TENM3: variants seen among roughly 807,000 people sequenced by gnomAD.
TENM3 encodes the protein teneurin transmembrane protein 3.
TENM3 carries 63 observed loss-of-function variants against 255.1 expected under a neutral mutation model. The ratio of observed to expected loss-of-function variants is 0.25; its 90% CI spans 0.20 to 0.30. TENM3 has a LOEUF of 0.30. Among genes scored for constraint, TENM3 ranks in the 10% least tolerant of loss-of-function variants. The probability of loss-of-function intolerance (pLI) is 1.00; values close to 1 mark genes in which losing one functional copy is unlikely to be tolerated. For synonymous variants in TENM3, 1,306 were observed against 1,322.3 expected (o/e 0.99, Z 0.27); for missense variants, 2,929 against 3,461.1 (o/e 0.85, Z 3.86).
At chr4:181,758,648 G>C in the TENM3 span, among the ~76,000 whole-genome samples, 3 of 152,150 alleles carry the variant, frequency 2.0e-5, no homozygotes, top group Non-Finnish European at 2.9e-5. Context: ...GAATCACTGC[G>C]ATTTTTGTAT....
chr4:181,679,098 G>A, the TENM3 span, among the ~76,000 whole-genome samples: 2 of 152,092 alleles, frequency 1.3e-5, no homozygotes, highest in African/African-American at 2.4e-5. Context: ...GTAAGTGCCT[G>A]TAACAAAAGC....
At chr4:182,013,144 CATCCCAAG>C in the TENM3 span, among the ~76,000 whole-genome samples, 1 of 152,202 alleles carries the variant, frequency 6.6e-6, no homozygotes, top group African/African-American at 2.4e-5. Flanking sequence ...TCCGAAACTG[CATCCCAAG>C]TCTTCCAATC....
At chr4:181,592,983 C>A in the TENM3 span, among the ~76,000 whole-genome samples, 1 of 152,126 alleles carries the variant, frequency 6.6e-6, no homozygotes, top group Non-Finnish European at 1.5e-5. Context: ...CCTTGACAAA[C>A]CTCCTCCTCA....
At chr4:182,555,833 C>CT (rs796616091) in intron 3 of TENM3, among the ~76,000 whole-genome samples, 6,506 of 146,700 alleles carry the variant, frequency 0.044, 156 homozygotes, top group Non-Finnish European at 0.054. Context: ...TCTGGAATTA[C>CT]TTTTTTTTTT....
At chr4:182,448,972 C>T (rs754581662) in intron 3 of TENM3, 7 of 395,828 alleles carry the variant, frequency 1.8e-5, no homozygotes, top group South Asian at 1.2e-4. Context: ...GGCCGCCGCG[C>T]GCAGCCCGAG....
At chr4:181,830,838 T>C in the TENM3 span, among the ~76,000 whole-genome samples, 11 of 152,102 alleles carry the variant, frequency 7.2e-5, no homozygotes, top group Non-Finnish European at 1.3e-4. Context: ...TGAGTGTAGG[T>C]CGCTCCTGTA....
chr4:182,608,974 G>T (rs1213784070), intron 4 of TENM3, among the ~76,000 whole-genome samples: 1 of 152,100 alleles, frequency 6.6e-6, no homozygotes, highest in Non-Finnish European at 1.5e-5. Context: ...GGTAGTAGTC[G>T]TGGGTGGCCC....
chr4:182,007,494 T>C, the TENM3 span, among the ~76,000 whole-genome samples: 1 of 152,196 alleles, frequency 6.6e-6, no homozygotes, highest in Non-Finnish European at 1.5e-5. Flanking sequence ...TCTTTGTCTT[T>C]TTTGATCTTT....
the TENM3 span, among the ~76,000 whole-genome samples, chr4:181,985,118 G>A: frequency 1.3e-5 from 2 of 151,750 alleles, no homozygotes; most frequent in South Asian, 2.1e-4. Flanking sequence ...CTTTCAGAGG[G>A]ATGCATACAT....
the TENM3 span, among the ~76,000 whole-genome samples, chr4:181,825,269 C>T: frequency 3.3e-5 from 5 of 151,912 alleles, no homozygotes; most frequent in East Asian, 3.9e-4. Flanking sequence ...GTTGTGTTGG[C>T]GTGAGCCTGT....
chr4:181,993,865 G>A, the TENM3 span, among the ~76,000 whole-genome samples: 1 of 152,086 alleles, frequency 6.6e-6, no homozygotes, highest in Non-Finnish European at 1.5e-5. Context: ...TCTGGAGACA[G>A]AATTTTTAAT....
chr4:182,730,759 A>G (rs1358671601), intron 15 of TENM3, 119 bp from the exon 16 acceptor site: 5 of 1,067,096 alleles, frequency 4.7e-6, no homozygotes, highest in Non-Finnish European at 5.4e-6. Context: ...AAAATATTTC[A>G]TATAAAAGTT....
intron 6 of TENM3, among the ~76,000 whole-genome samples, chr4:182,661,438 C>T (rs893621405): frequency 5.3e-5 from 8 of 151,922 alleles, no homozygotes; most frequent in South Asian, 2.1e-4. Flanking sequence ...CCTGTGAATT[C>T]GAGAAATGGA....
At chr4:182,443,675 A>G (rs941399221) in intron 3 of TENM3, among the ~76,000 whole-genome samples, 43 of 152,108 alleles carry the variant, frequency 2.8e-4, no homozygotes, top group African/African-American at 9.7e-4. Flanking sequence ...AGCCTTTCGT[A>G]TACAGCACAT....
At chr4:181,820,971 A>G in the TENM3 span, among the ~76,000 whole-genome samples, 1 of 152,218 alleles carries the variant, frequency 6.6e-6, no homozygotes, top group Non-Finnish European at 1.5e-5. Flanking sequence ...AAAGTGGAAT[A>G]TAGACTGCCA....
At chr4:181,789,044 G>A in the TENM3 span, among the ~76,000 whole-genome samples, 1 of 152,078 alleles carries the variant, frequency 6.6e-6, no homozygotes, top group African/African-American at 2.4e-5. Flanking sequence ...ATACTGGCTA[G>A]GTGGTATGGT....
intron 3 of TENM3, among the ~76,000 whole-genome samples, chr4:182,506,452 G>A (rs747748126): frequency 2.7e-4 from 41 of 152,128 alleles, no homozygotes; most frequent in Non-Finnish European, 5.1e-4. Context: ...AGAGATTCAA[G>A]CACTGGCCTG....
intron 3 of TENM3, among the ~76,000 whole-genome samples, chr4:182,437,659 G>A (rs754088251): frequency 1.3e-5 from 2 of 152,068 alleles, no homozygotes; most frequent in African/African-American, 4.8e-5. Flanking sequence ...TTAGCCAGAC[G>A]TGGTGGTAGG....
At chr4:181,964,064 C>T in the TENM3 span, among the ~76,000 whole-genome samples, 1 of 145,558 alleles carries the variant, frequency 6.9e-6, no homozygotes, top group Non-Finnish European at 1.5e-5. Context: ...CAATGACCTT[C>T]CGATTTTTTT....
Sources: allele counts gnomAD v4.1 joint callset (sites outside exome capture counted in the v4.1 genomes callset), GRCh38; gene constraint gnomAD v4.1.1; transcripts MANE v1.5; gene names NCBI Gene and HGNC (gene_info 2026-07-23, HGNC 2026-07-21).